The following ECE1 variants were observed in gnomAD, a reference collection of about 807,000 sequenced individuals.
ECE1 encodes the protein endothelin converting enzyme 1.
Under a neutral mutation model 98.6 loss-of-function variants are expected in ECE1, and 35 were observed. The observed-to-expected ratio is 0.35, with a 90% CI of 0.27 to 0.47. The LOEUF (loss-of-function observed/expected upper bound fraction) is 0.47. ECE1 is among the 20% of genes least tolerant of loss of function. The pLI is 1.00. For missense variants in ECE1, 814 were observed against 1,025.3 expected (o/e 0.79, Z 2.81); for synonymous variants, 394 against 407.1 (o/e 0.97, Z 0.39).
Position 21,233,981 on chromosome 1 carries a change from C to T in ECE1, c.1567-320G>A, listed in dbSNP as rs536016708. Among the ~76,000 whole-genome samples the T allele has an allele frequency of 6.6e-6, 1 of 151,988 alleles. No individual in the cohort carries two copies. Among genetic ancestry groups the T allele is most frequent in the Non-Finnish European group, 1.5e-5 (1 of 67,966 alleles). On this transcript the variant is annotated intron_variant, in intron 13 of 18. Transcript: ENST00000374893. This position sits in a 1 kb window ranked among gnomAD's most constrained non-coding sequence, Gnocchi z 4.0. ...CTGTCCAGTATGGCAGACTACTAAG[C>T]ATTTCTTTCTTTCTTTTTTTTTTGA...
chr1:21,290,095 C>A lies in ECE1; in HGVS notation c.113G>T (p.Gly38Val). The part of the protein sequence containing the change: ...EEDLVDSLSE[G>V]DAYPNGLQVN... ...CTGCAGGCCGTTGGGGTATGCGTCGCCCTCGGAGAGCGAGTCCACCAGGTC... is the reference window on the plus strand; with the variant it reads ...CTGCAGGCCGTTGGGGTATGCGTCGACCTCGGAGAGCGAGTCCACCAGGTC... Residue 38 changes from glycine to valine, a missense_variant, in exon 2 of 19, where the codon GGC becomes GTC. By Grantham distance (109) the Gly-to-Val change is moderately radical. Coordinates refer to ENST00000374893, the MANE Select transcript of ECE1 (RefSeq NM_001397.3). This position sits in a 1 kb window ranked among gnomAD's most constrained non-coding sequence, Gnocchi z 7.3. 1 of 1,547,804 alleles carries A rather than the reference C, an allele frequency of 6.5e-7. No individual in the cohort carries two copies. The highest frequency in any genetic ancestry group is 8.7e-7 in the Non-Finnish European group (1 of 1,147,664).
In ECE1 at chr1:21,225,595, G is replaced by A. The variant is rs968043380; in HGVS notation, c.1850-155C>T. ...GGTCCCTGTGAGTGCCGAGGGACGT[G>A]GATGTGGTGGCCAGTCAGAGGCGGG... On this transcript the variant is annotated intron_variant, in intron 16 of 18. Transcript: ENST00000374893. The surrounding 1 kb of genome is among the most constrained non-coding windows in gnomAD (Gnocchi z 5.3). Among the ~76,000 whole-genome samples, 3 of 152,170 alleles carry A rather than the reference G, an allele frequency of 2.0e-5. No individual in the cohort carries two copies. The highest frequency in any genetic ancestry group is 7.2e-5 in the African/African-American group (3 of 41,442).
intron 3 of ECE1, among the ~76,000 whole-genome samples, chr1:21,273,346 C>CGTGT (rs60168069): frequency 0.051 from 6,826 of 133,120 alleles, 194 homozygotes; most frequent in Middle Eastern, 0.11. Context: ...TGCGTGTGTG[C>CGTGT]GTGTGTGTGT....
Position 21,290,019 on chromosome 1 carries a change from A to G in ECE1, c.138+51T>C, listed in dbSNP as rs1313883650. The G allele has an allele frequency of 5.7e-6, 6 of 1,053,138 alleles. No individual in the cohort carries two copies. The South Asian group carries it at 7.6e-5, about 13-fold the overall frequency. 65.2% of individuals were successfully genotyped at this position (1,053,138 alleles called of 1,614,324 possible). Reference sequence around the variant, plus strand: ...GGGGGGCGCGGCAGCGGCAGCGCGCATGCCCGGGCCCGGGGCGCCTGGACC... The same window carrying G: ...GGGGGGCGCGGCAGCGGCAGCGCGCGTGCCCGGGCCCGGGGCGCCTGGACC... On this transcript the variant is annotated intron_variant, in intron 2 of 18. Transcript: ENST00000374893. This position sits in a 1 kb window ranked among gnomAD's most constrained non-coding sequence, Gnocchi z 7.3.
intron 4 of ECE1, 134 bp downstream of exon 4, chr1:21,272,565 T>A: frequency 9.2e-7 from 1 of 1,083,062 alleles, no homozygotes; most frequent in Non-Finnish European, 1.4e-6. Context: ...GTGCTGGGAT[T>A]ACAGGTGTGA....
chr1:21,252,002 C>G (rs1358223720), intron 8 of ECE1, among the ~76,000 whole-genome samples: 1 of 152,182 alleles, frequency 6.6e-6, no homozygotes, highest in African/African-American at 2.4e-5. Flanking sequence ...TAGGGTTCCA[C>G]CATTAGAGCC....
chr1:21,340,670 G>A lies in ECE1; in HGVS notation c.3+4706C>T, dbSNP rs1161039393. ...CCTGGGCAACATGGCGAAACCCGGT[G>A]TCTACTAAAAAAATACAGAAGTTAG... is the stretch of plus-strand genomic sequence containing the variant. On this transcript the variant is annotated intron_variant, in intron 1 of 18. Transcript: ENST00000415912. This position sits in a 1 kb window ranked among gnomAD's most constrained non-coding sequence, Gnocchi z 4.6. 6.6e-6 allele frequency among the ~76,000 whole-genome samples: 1 copy of A among 151,924 alleles called. No individual in the cohort carries two copies. Among genetic ancestry groups the A allele is most frequent in the Non-Finnish European group, 1.5e-5 (1 of 67,976 alleles).
chr1:21,314,876 T>C (rs538494228), intron 1 of ECE1, among the ~76,000 whole-genome samples: 57 of 152,388 alleles, frequency 3.7e-4, no homozygotes, highest in African/African-American at 1.1e-3. Context: ...CCAGGACGCA[T>C]AGAAACTGTT....
chr1:21,268,149 A>G (rs2098236221), intron 4 of ECE1, among the ~76,000 whole-genome samples: 1 of 152,200 alleles, frequency 6.6e-6, no homozygotes, highest in Non-Finnish European at 1.5e-5. Flanking sequence ...CAATGGAGGC[A>G]GCAGGTTTGA....
At chr1:21,259,758 C>T (rs1040126901) in intron 5 of ECE1, among the ~76,000 whole-genome samples, 2 of 152,118 alleles carry the variant, frequency 1.3e-5, no homozygotes, top group African/African-American at 4.8e-5. Flanking sequence ...CTGGGAAGTG[C>T]CCAAGAAAGC....
intron 4 of ECE1, among the ~76,000 whole-genome samples, chr1:21,262,447 T>G (rs182027312): frequency 8.5e-5 from 13 of 152,180 alleles, no homozygotes; most frequent in Admixed American, 6.5e-4. Context: ...ATGAAGCTCT[T>G]GGAAGAAAAA....
At chr1:21,286,794 C>T (rs927966008) in intron 2 of ECE1, among the ~76,000 whole-genome samples, 1 of 151,710 alleles carries the variant, frequency 6.6e-6, no homozygotes, top group Admixed American at 6.6e-5. Context: ...GGCATGGTGG[C>T]ACATGCCTGT....
At chr1:21,344,572 G>GC (rs528381259) in intron 1 of ECE1, among the ~76,000 whole-genome samples, 4,826 of 151,214 alleles carry the variant, frequency 0.032, 204 homozygotes, top group African/African-American at 0.095. Context: ...CCTCCCAACA[G>GC]CCCCCCCCCA....
At chr1:21,230,507 C>T (rs2098180440) in intron 14 of ECE1, among the ~76,000 whole-genome samples, 1 of 152,152 alleles carries the variant, frequency 6.6e-6, no homozygotes, top group African/African-American at 2.4e-5. Flanking sequence ...CTGCCTCAGC[C>T]ACCTGAGTAG....
intron 1 of ECE1, among the ~76,000 whole-genome samples, chr1:21,342,436 C>T (rs1639416873): frequency 6.6e-6 from 1 of 152,084 alleles, no homozygotes. Context: ...ACCCTCGGCC[C>T]ACGGCTTGCA....
In ECE1 at chr1:21,247,317, A is replaced by C. The variant is rs765763704; in HGVS notation, c.1067T>G (p.Phe356Cys). 2.5e-6 allele frequency: 4 copies of C among 1,614,226 alleles called. No homozygotes were observed. Among genetic ancestry groups the C allele is most frequent in the Non-Finnish European group, 3.4e-6 (4 of 1,180,042 alleles). The change falls in exon 9 of 19, where the codon TTC (phenylalanine) becomes TGC (cysteine). Residue 356 changes from phenylalanine (F) to cysteine (C), a missense_variant. Physicochemically the swap from Phe to Cys is radical, Grantham distance 205. Transcript: ENST00000374893. Reference protein sequence around the residue: ...INWLPFLNTIFYPVEINESEP... With the variant: ...INWLPFLNTICYPVEINESEP... Reference sequence around the variant, plus strand: ...GGATTCATTGATCTCCACGGGGTAGAAGATGGTGTTGAGAAAAGGCAACCA... The same window carrying C: ...GGATTCATTGATCTCCACGGGGTAGCAGATGGTGTTGAGAAAAGGCAACCA...
chr1:21,245,311 C>T (rs904572241), intron 9 of ECE1, among the ~76,000 whole-genome samples: 3 of 152,196 alleles, frequency 2.0e-5, no homozygotes, highest in South Asian at 4.1e-4. Context: ...CCATAGGAAA[C>T]GCTTCAGTGT....
At chr1:21,237,637 G>A (rs895668977) in intron 11 of ECE1, among the ~76,000 whole-genome samples, 10 of 152,214 alleles carry the variant, frequency 6.6e-5, no homozygotes, top group African/African-American at 2.2e-4. Flanking sequence ...CTCTGTGGGA[G>A]GAATGCCCCC....
intron 1 of ECE1, among the ~76,000 whole-genome samples, chr1:21,311,506 C>CAAAAAAA: frequency 1.8e-5 from 1 of 56,398 alleles, no homozygotes. Context: ...GACCCTGTCT[C>CAAAAAAA]CACAAAAAAA....
Sources: allele counts gnomAD v4.1 joint callset (sites outside exome capture counted in the v4.1 genomes callset), GRCh38; gene constraint gnomAD v4.1.1; non-coding constraint Gnocchi (gnomAD v3.1); transcripts MANE v1.5; gene names NCBI Gene and HGNC (gene_info 2026-07-23, HGNC 2026-07-21).